DSC1: variants seen among roughly 807,000 people sequenced by gnomAD.
The protein encoded by DSC1 is desmocollin 1, also known as desmocollin-1.
Under a neutral mutation model 98.8 loss-of-function variants are expected in DSC1, and 79 were observed. The ratio of observed to expected loss-of-function variants is 0.80; its 90% CI spans 0.67 to 0.96. The LOEUF is 0.96. DSC1 is among the 50% of genes least tolerant of loss of function. The probability of loss-of-function intolerance (pLI) is 0.00; values close to 1 mark genes in which losing one functional copy is unlikely to be tolerated. For synonymous variants in DSC1, 405 were observed against 372.1 expected (o/e 1.09, Z -1.02); for missense variants, 1,115 against 1,075.9 (o/e 1.04, Z -0.51).
In DSC1 at chr18:31,134,568, A is replaced by G; in HGVS notation, c.1876+4T>C. 1 of 1,603,110 alleles carries G rather than the reference A, an allele frequency of 6.2e-7. No homozygotes were observed. The highest frequency in any genetic ancestry group is 8.5e-7 in the Non-Finnish European group (1 of 1,172,836). The stretch of plus-strand genomic sequence containing the variant: ...TGACTATAAAATTTAGCATGATTAC[A>G]TACCATCCTTTTCTTCTATGTTCCA... On this transcript the variant is annotated splice_donor_region_variant and intron_variant, in intron 12 of 15. Coordinates refer to ENST00000257198, the MANE Select transcript of DSC1 (RefSeq NM_024421.2).
chr18:31,146,706 G>A (rs893545069), intron 6 of DSC1, among the ~76,000 whole-genome samples: 4 of 152,106 alleles, frequency 2.6e-5, no homozygotes, highest in African/African-American at 9.7e-5. Flanking sequence ...TCTCACCAAT[G>A]GCATATAAGT....
At chr18:31,150,022 C>T (rs1028793287) in intron 5 of DSC1, among the ~76,000 whole-genome samples, 1 of 151,640 alleles carries the variant, frequency 6.6e-6, no homozygotes, top group African/African-American at 2.4e-5. Flanking sequence ...CCACCATCAT[C>T]ATCACCACTT....
rs187950377 is a variant in DSC1 at position 31,131,851 on chromosome 18, A to T, written c.2239-9T>A. 2 of 1,613,130 alleles carry T rather than the reference A, an allele frequency of 1.2e-6. No individual in the cohort carries two copies. Among genetic ancestry groups the T allele is most frequent in the East Asian group, 4.5e-5 (2 of 44,870 alleles). Reference sequence around the variant, plus strand: ...AGTCTAATATTTGCTTCCTAAAAGTAAAGTGAGAGTGATAAAGTGAATTTG... The same window carrying T: ...AGTCTAATATTTGCTTCCTAAAAGTTAAGTGAGAGTGATAAAGTGAATTTG... On this transcript the variant is annotated splice_polypyrimidine_tract_variant and intron_variant, in intron 14 of 15. Coordinates refer to ENST00000257198, the MANE Select transcript of DSC1 (RefSeq NM_024421.2).
At chr18:31,150,529 T>C (rs935728360) in intron 5 of DSC1, among the ~76,000 whole-genome samples, 2 of 150,700 alleles carry the variant, frequency 1.3e-5, no homozygotes, top group Non-Finnish European at 3.0e-5. Flanking sequence ...ATCATTATCA[T>C]CACCGCTACC....
intron 13 of DSC1, among the ~76,000 whole-genome samples, chr18:31,132,939 G>A (rs1988528044): frequency 6.6e-6 from 1 of 152,188 alleles, no homozygotes; most frequent in East Asian, 1.9e-4. Flanking sequence ...ACATTGAAAT[G>A]GTAACTTCAT....
At chr18:31,148,038 T>C (rs1312698985) in intron 6 of DSC1, among the ~76,000 whole-genome samples, 2 of 152,154 alleles carry the variant, frequency 1.3e-5, no homozygotes, top group African/African-American at 4.8e-5. Context: ...GGCCCACGTG[T>C]AAATCCCCTG....
chr18:31,132,787 C>T, intron 13 of DSC1, 98 bp from the exon 14 acceptor site: 1 of 1,162,220 alleles, frequency 8.6e-7, no homozygotes, highest in Non-Finnish European at 1.2e-6. Context: ...AAAATTCATT[C>T]CACAAATTGA....
chr18:31,140,296 C>T lies in DSC1; in HGVS notation c.1266G>A (p.Leu422=). 6.2e-7 allele frequency: 1 copy of T among 1,613,728 alleles called. No homozygotes were observed. Among genetic ancestry groups the T allele is most frequent in the Non-Finnish European group, 8.5e-7 (1 of 1,179,752 alleles). Residue 422 remains leucine (L), a synonymous_variant, in exon 10 of 16, where the codon TTG becomes TTA. Coordinates refer to ENST00000257198, the MANE Select transcript of DSC1 (RefSeq NM_024421.2). ...TAACTTGGCGATTGACTTCATAGTT[C>T]AATGGCTGTTAAATAAGCATACTTT... is the stretch of plus-strand genomic sequence containing the variant. ...NEGVLCVVKP[L]NYEVNRQVIL... is the part of the protein sequence containing the mutation.
intron 5 of DSC1, among the ~76,000 whole-genome samples, chr18:31,149,094 A>G (rs1988907655): frequency 6.6e-6 from 1 of 152,212 alleles, no homozygotes; most frequent in South Asian, 2.1e-4. Context: ...TTCTATGGTA[A>G]GCATGTATTT....
chr18:31,148,326 C>T (rs1247596857), intron 6 of DSC1, among the ~76,000 whole-genome samples, 172 bp downstream of exon 6: 1 of 151,928 alleles, frequency 6.6e-6, no homozygotes, highest in Non-Finnish European at 1.5e-5. Flanking sequence ...CAATTACCAC[C>T]CTTAATAGCA....
At chr18:31,154,558 G>T (rs1023272800) in intron 5 of DSC1, among the ~76,000 whole-genome samples, 14 of 151,480 alleles carry the variant, frequency 9.2e-5, no homozygotes, top group Non-Finnish European at 1.6e-4. Flanking sequence ...AAATTCCATC[G>T]TTATATTTTC....
intron 7 of DSC1, 136 bp from the exon 8 acceptor site, chr18:31,143,927 T>C: frequency 3.7e-6 from 2 of 543,560 alleles, no homozygotes; most frequent in Non-Finnish European, 5.4e-6. Context: ...TATTTATTTA[T>C]TTGAGATGGG....
chr18:31,148,412 A>G (rs762556556), intron 6 of DSC1, 86 bp downstream of exon 6: 105 of 1,403,328 alleles, frequency 7.5e-5, no homozygotes, highest in Non-Finnish European at 9.6e-5. Flanking sequence ...ATAAAATGCA[A>G]TGATAAAACG....
In DSC1 at chr18:31,148,566, T is replaced by A; in HGVS notation, c.704A>T (p.Asp235Val). Residue 235 changes from aspartate (D) to valine (V), a missense_variant, in exon 6 of 16, where the codon GAT (aspartate) becomes GTT (valine). Physicochemically the swap from Asp to Val is radical, Grantham distance 152 (BLOSUM62 -3). Coordinates refer to ENST00000257198, the MANE Select transcript of DSC1 (RefSeq NM_024421.2). Reference sequence around the variant, plus strand: ...TTCAAAATATGGGGCGTTATCATTATCATCTTCAATTTTGATGATCAAAGG... The same window carrying A: ...TTCAAAATATGGGGCGTTATCATTAACATCTTCAATTTTGATGATCAAAGG... ...PLPLIIKIED[D>V]NDNAPYFEHR... The A allele has an allele frequency of 6.2e-7, 1 of 1,612,862 alleles. No homozygotes were observed. The highest frequency in any genetic ancestry group is 8.5e-7 in the Non-Finnish European group (1 of 1,179,072).
Position 31,131,628 on chromosome 18 carries a change from T to C in DSC1, c.2453A>G (p.Asp818Gly). Residue 818 changes from aspartate (D) to glycine (G), a missense_variant, in exon 15 of 16, where the codon GAC (aspartate) becomes GGC (glycine). By Grantham distance (94) the Asp-to-Gly change is moderately conservative (BLOSUM62 -1). Coordinates refer to ENST00000257198, the MANE Select transcript of DSC1 (RefSeq NM_024421.2). ...QGDTGRYAYT[D>G]WQSFTQPRLG... The stretch of plus-strand genomic sequence containing the variant: ...CCGAGGTTGGGTGAAACTCTGCCAG[T>C]CCGTGTACGCATATCTGCCAGTATC... 1 of 1,614,094 alleles carries C rather than the reference T, an allele frequency of 6.2e-7. No homozygotes were observed. The highest frequency in any genetic ancestry group is 1.3e-5 in the African/African-American group (1 of 75,046).
chr18:31,131,547 A>T, intron 15 of DSC1, 47 bp downstream of exon 15: 1 of 1,601,056 alleles, frequency 6.2e-7, no homozygotes, highest in Admixed American at 1.7e-5. Flanking sequence ...ATTTATAACT[A>T]GCATTTAACT....
intron 15 of DSC1, 51 bp downstream of exon 15, chr18:31,131,543 A>G: frequency 6.3e-7 from 1 of 1,599,774 alleles, no homozygotes; most frequent in Non-Finnish European, 8.5e-7. Context: ...TCTGATTTAT[A>G]ACTAGCATTT....
intron 6 of DSC1, among the ~76,000 whole-genome samples, chr18:31,146,184 C>T (rs1215811694): frequency 2.6e-5 from 4 of 152,078 alleles, no homozygotes; most frequent in South Asian, 2.1e-4. Context: ...GATCCCACCA[C>T]CCCCGTAGTG....
At chr18:31,140,587 T>C (rs776352741) in intron 9 of DSC1, among the ~76,000 whole-genome samples, 2 of 152,216 alleles carry the variant, frequency 1.3e-5, no homozygotes, top group African/African-American at 2.4e-5. Context: ...AAATGCAAGA[T>C]AAGTGTATGA....
Sources: allele counts gnomAD v4.1 joint callset (sites outside exome capture counted in the v4.1 genomes callset), GRCh38; gene constraint gnomAD v4.1.1; transcripts MANE v1.5; gene names NCBI Gene and HGNC (gene_info 2026-07-23, HGNC 2026-07-21).